Variants in CHD5 observed in about 807,000 individuals in gnomAD.
CHD5 encodes the protein chromodomain helicase DNA binding protein 5.
A neutral mutation model predicts 230.3 loss-of-function variants in CHD5; 69 were observed. The observed-to-expected ratio is 0.30, with a 90% confidence interval of 0.25 to 0.37. The LOEUF is 0.37. Ranked by LOEUF, CHD5 falls within the 10% of genes least tolerant of loss-of-function variation. The probability of loss-of-function intolerance (pLI) is 1.00; values close to 1 mark genes in which losing one functional copy is unlikely to be tolerated. For synonymous variants in CHD5, 1,064 were observed against 1,065.9 expected (o/e 1.00, Z 0.03); for missense variants, 1,827 against 2,622.8 (o/e 0.70, Z 6.63).
At chr1:6,163,308 G>T (rs553404421) in intron 2 of CHD5, among the ~76,000 whole-genome samples, 1 of 152,304 alleles carries the variant, frequency 6.6e-6, no homozygotes, top group South Asian at 2.1e-4. Flanking sequence ...AAGCCCAGTC[G>T]ATGAGAAGGG....
rs761969552 is a variant in CHD5 at position 6,106,281 on chromosome 1, T to C, written c.5864A>G (p.Ter1955TrpextTer15). The change falls in exon 41 of 42, where the codon TAG becomes TGG. Residue 1955 changes from the stop codon to tryptophan (W), a stop_lost. Coordinates refer to ENST00000262450, the MANE Select transcript of CHD5 (RefSeq NM_015557.3). The part of the protein sequence containing the change: ...MPLGPYVTDI[*>W] ...AACACAGGGAAGTCTCGAGGACGGCTAGATATCTGTCAAAAAAAGAGGAGA... is the reference window on the plus strand; with the variant it reads ...AACACAGGGAAGTCTCGAGGACGGCCAGATATCTGTCAAAAAAAGAGGAGA... 3 of 1,612,724 alleles carry C rather than the reference T, an allele frequency of 1.9e-6. No individual in the cohort carries two copies. Among genetic ancestry groups the C allele is most frequent in the Non-Finnish European group, 2.5e-6 (3 of 1,179,980 alleles).
intron 33 of CHD5, among the ~76,000 whole-genome samples, chr1:6,113,916 G>C (rs1666334663): frequency 6.6e-6 from 1 of 152,168 alleles, no homozygotes; most frequent in Non-Finnish European, 1.5e-5. Context: ...GGGGAGGGAT[G>C]CTCCCACTCC....
chr1:6,149,553 T>C (rs1666967900), intron 7 of CHD5, 141 bp from the exon 8 acceptor site: 1 of 665,860 alleles, frequency 1.5e-6, no homozygotes, highest in Non-Finnish European at 2.3e-6. Flanking sequence ...AATAGACTGA[T>C]GGTTGAGGTG....
intron 3 of CHD5, 27 bp downstream of exon 3, chr1:6,159,309 T>TC (rs779446279): frequency 1.3e-6 from 2 of 1,550,374 alleles, no homozygotes; most frequent in Non-Finnish European, 1.7e-6. Flanking sequence ...TGTCGCTCTG[T>TC]CCCCCCAGCC....
In CHD5 at chr1:6,155,646, C is replaced by A; in HGVS notation, c.459G>T (p.Glu153Asp). The A allele has an allele frequency of 6.2e-7, 1 of 1,614,158 alleles. No homozygotes were observed. Among genetic ancestry groups the A allele is most frequent in the East Asian group, 2.2e-5 (1 of 44,886 alleles). The change falls in exon 4 of 42, where the codon GAG becomes GAT. Residue 153 changes from glutamate (E) to aspartate (D), a missense_variant. By Grantham distance (45) the Glu-to-Asp change is conservative. Coordinates refer to ENST00000262450, the MANE Select transcript of CHD5 (RefSeq NM_015557.3). This position sits in a 1 kb window ranked among gnomAD's most constrained non-coding sequence, Gnocchi z 4.0. ...LDDVDYLFSE[E>D]DYHTLTNYKA... is the part of the protein sequence containing the mutation. ...TGTAGTTGGTCAGCGTGTGGTAATC[C>A]TCCTCCGAGAACAGGTAGTCCACGT...
At chr1:6,148,591 G>A (rs1053680978) in intron 9 of CHD5, among the ~76,000 whole-genome samples, 1 of 152,210 alleles carries the variant, frequency 6.6e-6, no homozygotes, top group Non-Finnish European at 1.5e-5. Context: ...TCGCGGTGTT[G>A]GCATGATCAC....
In CHD5 at chr1:6,154,964, G is replaced by T; in HGVS notation, c.507-66C>A. ...GAGATGAGAGGCCCACCCGACCCCC[G>T]GCAGGGCCCACCCCTCTGCCACATG... is the stretch of plus-strand genomic sequence containing the variant. On this transcript the variant is annotated intron_variant, in intron 4 of 41. Coordinates refer to ENST00000262450, the MANE Select transcript of CHD5 (RefSeq NM_015557.3). This position sits in a 1 kb window ranked among gnomAD's most constrained non-coding sequence, Gnocchi z 7.0. 1.4e-6 allele frequency: 2 copies of T among 1,416,604 alleles called. No homozygotes were observed. The highest frequency in any genetic ancestry group is 1.3e-5 in the South Asian group (1 of 79,966). 87.8% of individuals were successfully genotyped at this position (1,416,604 alleles called of 1,614,324 possible).
intron 2 of CHD5, among the ~76,000 whole-genome samples, chr1:6,165,908 G>A (rs528874014): frequency 7.9e-5 from 12 of 152,118 alleles, no homozygotes; most frequent in East Asian, 3.9e-4. Flanking sequence ...TTGAGACCCC[G>A]GGGAAGATGC....
chr1:6,149,175 C>G, intron 8 of CHD5, 71 bp downstream of exon 8: 22 of 1,481,872 alleles, frequency 1.5e-5, no homozygotes, highest in Non-Finnish European at 1.9e-5. Context: ...ATTCTGCCCC[C>G]AAATGAGGGC....
In CHD5 at chr1:6,131,938, T is replaced by A. The variant is rs1666664715; in HGVS notation, c.3145-190A>T. Among the ~76,000 whole-genome samples, 2 of 152,122 alleles carry A rather than the reference T, an allele frequency of 1.3e-5. No individual in the cohort carries two copies. Among genetic ancestry groups the A allele is most frequent in the African/African-American group, 4.8e-5 (2 of 41,424 alleles). ...TTCCAACCTCACCCCTTGGAGCCAA[T>A]CCATCCTCCTGCCTAGCCCCACAGC... On this transcript the variant is annotated intron_variant, in intron 20 of 41. Transcript: ENST00000262450. The surrounding 1 kb of genome is among the most constrained non-coding windows in gnomAD (Gnocchi z 5.0).
In CHD5 at chr1:6,106,403, T is replaced by C. The variant is rs1469666593; in HGVS notation, c.5849A>G (p.Tyr1950Cys). 1 of 1,598,092 alleles carries C rather than the reference T, an allele frequency of 6.3e-7. No individual in the cohort carries two copies. The highest frequency in any genetic ancestry group is 8.5e-7 in the Non-Finnish European group (1 of 1,172,900). ...VNYNQMPLGP[Y>C]VTDI is the part of the protein sequence containing the mutation. ...AGCGGACGGGCACCTACCGGTCACATAGGGCCCCAGGGGCATCTGGTTGTA... is the reference window on the plus strand; with the variant it reads ...AGCGGACGGGCACCTACCGGTCACACAGGGCCCCAGGGGCATCTGGTTGTA... The change falls in exon 40 of 42, where the codon TAT (tyrosine) becomes TGT (cysteine). Residue 1950 changes from tyrosine to cysteine, a missense_variant. Around this residue, in one of 14 missense-constraint regions of CHD5, gnomAD observed 208 missense variants for 302.0 expected, o/e 0.69. Transcript: ENST00000262450.
chr1:6,129,416 G>A lies in CHD5; in HGVS notation c.3388-347C>T, dbSNP rs1666617070. Reference sequence around the variant, plus strand: ...TCGTGGGGGCCACGGGGAGGTAGGAGGCTGCATTTCCCTGTGAGCGAACCA... The same window carrying A: ...TCGTGGGGGCCACGGGGAGGTAGGAAGCTGCATTTCCCTGTGAGCGAACCA... On this transcript the variant is annotated intron_variant, in intron 22 of 41. Transcript: ENST00000262450. The surrounding 1 kb of genome is among the most constrained non-coding windows in gnomAD (Gnocchi z 6.8). Among the ~76,000 whole-genome samples the A allele has an allele frequency of 6.6e-6, 1 of 152,162 alleles. No homozygotes were observed. Among genetic ancestry groups the A allele is most frequent in the African/African-American group, 2.4e-5 (1 of 41,432 alleles).
intron 33 of CHD5, among the ~76,000 whole-genome samples, chr1:6,118,129 A>C (rs1666405290): frequency 6.6e-6 from 1 of 152,202 alleles, no homozygotes; most frequent in Non-Finnish European, 1.5e-5. Context: ...TAATCCCAGC[A>C]CTTTGGGAGG....
At position 6,112,175 on chromosome 1, in the gene CHD5, T is replaced by A. The variant is rs1444720831; in HGVS notation, c.5105A>T (p.Lys1702Met). The A allele has an allele frequency of 1.9e-6, 3 of 1,614,012 alleles. No homozygotes were observed. Among genetic ancestry groups the A allele is most frequent in the Non-Finnish European group, 2.5e-6 (3 of 1,180,016 alleles). Reference protein sequence around the residue: ...GKKEDKKGKFKFMFNIADGGF... With the variant: ...GKKEDKKGKFMFMFNIADGGF... The stretch of plus-strand genomic sequence containing the variant: ...CCCGTCCGCGATGTTGAACATGAAC[T>A]TGAATTTCCCCTTCTTGTCCTCCTT... Residue 1702 changes from lysine (K) to methionine (M), a missense_variant, in exon 35 of 42, where the codon AAG becomes ATG. This residue lies in a region of CHD5 where 272 missense variants were observed against 263.2 expected (regional missense o/e 1.03). Coordinates refer to ENST00000262450, the MANE Select transcript of CHD5 (RefSeq NM_015557.3).
Position 6,154,767 on chromosome 1 carries a change from ACCG to A in CHD5, c.635_637del (p.Ala212del). 1 of 1,612,148 alleles carries A rather than the reference ACCG, an allele frequency of 6.2e-7. No individual in the cohort carries two copies. Among genetic ancestry groups the A allele is most frequent in the Non-Finnish European group, 8.5e-7 (1 of 1,179,602 alleles). On this transcript the variant is annotated inframe_deletion, in exon 5 of 42. Transcript: ENST00000262450. This position sits in a 1 kb window ranked among gnomAD's most constrained non-coding sequence, Gnocchi z 7.0. The stretch of plus-strand genomic sequence containing the variant: ...GGTGACCGTCTCTACAGCCGCAGCC[ACCG>A]CCGCCGCCGCTGCTGCCGCGGAGCT...
At chr1:6,117,732 A>G (rs72863733) in intron 33 of CHD5, among the ~76,000 whole-genome samples, 7,523 of 152,252 alleles carry the variant, frequency 0.049, 581 homozygotes, top group African/African-American at 0.17. Context: ...CAAAATGACA[A>G]TGAGATACCA....
intron 15 of CHD5, among the ~76,000 whole-genome samples, chr1:6,139,521 G>A (rs1041354112): frequency 4.6e-5 from 7 of 150,608 alleles, no homozygotes; most frequent in Non-Finnish European, 1.0e-4. Context: ...ACAGGGGTGA[G>A]CCACCGTGCC....
chr1:6,147,023 C>A, intron 9 of CHD5, 152 bp from the exon 10 acceptor site: 1 of 635,454 alleles, frequency 1.6e-6, no homozygotes, highest in Non-Finnish European at 2.6e-6. Context: ...GACATCCACC[C>A]CGTCCCCAGG....
rs531756052 is a variant in CHD5, at chr1:6,126,469, G to A, written c.4078+103C>T. On this transcript the variant is annotated intron_variant, in intron 26 of 41. Transcript: ENST00000262450. The surrounding 1 kb of genome is among the most constrained non-coding windows in gnomAD (Gnocchi z 5.7). ...CTGGCACACTCGCCCAGCTCTCCCG[G>A]CCCGCACCTCCCGGGGGTTCTGCAC... 22 of 666,248 alleles carry A rather than the reference G, an allele frequency of 3.3e-5. No individual in the cohort carries two copies. The highest frequency in any genetic ancestry group is 2.2e-4 in the African/African-American group (12 of 54,750). The allele number at this position is 666,248 out of a possible 1,614,324, so 41.3% of individuals were successfully genotyped here. A position where few individuals can be genotyped will look rare whatever the true frequency, so the allele number is the denominator to read the frequency against.
Sources: gnomAD v4.1 joint callset for allele counts (sites outside exome capture counted in the v4.1 genomes callset) on GRCh38, gnomAD v4.1.1 for gene constraint, gnomAD v4.1.1 regional missense constraint, Gnocchi (gnomAD v3.1) non-coding constraint, MANE v1.5 for transcripts, NCBI Gene and HGNC (gene_info 2026-07-23, HGNC 2026-07-21) for gene names.